XPR1: variants seen among roughly 807,000 people sequenced by gnomAD.
The protein encoded by XPR1 is solute carrier family 53 member 1.
A neutral mutation model predicts 87.5 loss-of-function variants in XPR1; 28 were observed. The ratio of observed to expected loss-of-function variants is 0.32; its 90% CI spans 0.24 to 0.44. The LOEUF is 0.44. Ranked by LOEUF, XPR1 falls within the 20% of genes least tolerant of loss-of-function variation. The pLI is 1.00. For synonymous variants in XPR1, 300 were observed against 306.1 expected (o/e 0.98, Z 0.21); for missense variants, 559 against 862.3 (o/e 0.65, Z 4.41).
intron 11 of XPR1, among the ~76,000 whole-genome samples, chr1:180,836,919 GCA>G (rs1462617247): frequency 6.6e-6 from 1 of 152,042 alleles, no homozygotes; most frequent in Non-Finnish European, 1.5e-5. Context: ...TTGAAAAGAA[GCA>G]CAGTCACCCA....
chr1:180,711,049 C>T (rs1384718908), intron 2 of XPR1, among the ~76,000 whole-genome samples: 54 of 150,546 alleles, frequency 3.6e-4, no homozygotes, highest in South Asian at 2.1e-3. Context: ...CCTCACTTCT[C>T]AGACGGGGCG....
chr1:180,649,081 A>G (rs754468142), intron 1 of XPR1, among the ~76,000 whole-genome samples: 1 of 152,124 alleles, frequency 6.6e-6, no homozygotes, highest in Non-Finnish European at 1.5e-5. Context: ...ACTAATCCCC[A>G]AGAGCATTTT....
chr1:180,725,447 A>G (rs1168442737), intron 2 of XPR1, among the ~76,000 whole-genome samples: 1 of 152,194 alleles, frequency 6.6e-6, no homozygotes, highest in Non-Finnish European at 1.5e-5. Context: ...TCACCCTGAC[A>G]TGAATAAAAA....
In XPR1 at chr1:180,817,305, A is replaced by T. The variant is rs570537918; in HGVS notation, c.763+5817A>T. 5.3e-5 allele frequency among the ~76,000 whole-genome samples: 8 copies of T among 152,180 alleles called. No individual in the cohort carries two copies. In the South Asian group the frequency reaches 8.3e-4, roughly 16 times the overall value. ...AATTTATTATTGAAGAAAGAAAAAA[A>T]TTTTTTTATAAATTCAGTGTAGCCT... On this transcript the variant is annotated intron_variant, in intron 7 of 14. Transcript: ENST00000367590.
intron 2 of XPR1, among the ~76,000 whole-genome samples, chr1:180,709,222 A>T (rs561628539): frequency 6.6e-6 from 1 of 152,240 alleles, no homozygotes; most frequent in Non-Finnish European, 1.5e-5. Context: ...GGCCATAAGC[A>T]TGTAAAGTTT....
chr1:180,725,752 T>C (rs1658316569), intron 2 of XPR1, among the ~76,000 whole-genome samples: 2 of 152,212 alleles, frequency 1.3e-5, no homozygotes, highest in Non-Finnish European at 2.9e-5. Flanking sequence ...CTGGCATCTC[T>C]TGCTTTAAGA....
chr1:180,757,288 G>A (rs1043730229), intron 2 of XPR1, among the ~76,000 whole-genome samples: 1 of 152,108 alleles, frequency 6.6e-6, no homozygotes, highest in Non-Finnish European at 1.5e-5. Context: ...TTGGAAACGG[G>A]ATTTTGTTGT....
At chr1:180,799,142 A>G (rs965524641) in intron 3 of XPR1, among the ~76,000 whole-genome samples, 31 of 152,276 alleles carry the variant, frequency 2.0e-4, no homozygotes, top group African/African-American at 7.0e-4. Flanking sequence ...TTCATCTTCC[A>G]ATTCAGTAGA....
In XPR1 at chr1:180,888,170, T is replaced by C. The variant is rs1339359527; in HGVS notation, c.*4104T>C. On this transcript the variant is annotated 3_prime_UTR_variant, in exon 15 of 15. Coordinates refer to ENST00000367590, the MANE Select transcript of XPR1 (RefSeq NM_004736.4). ...TTATTTTCCTATCATCTTTTCCCCA[T>C]TACTTTGCATTATTCAGGAAATAAT... is the stretch of plus-strand genomic sequence containing the variant. The C allele has an allele frequency of 6.6e-6, 1 of 152,148 alleles. No homozygotes were observed. Among genetic ancestry groups the C allele is most frequent in the African/African-American group, 2.4e-5 (1 of 41,436 alleles). 9.4% of individuals were successfully genotyped at this position (152,148 alleles called of 1,614,324 possible).
chr1:180,667,646 C>A (rs978675430), intron 1 of XPR1, among the ~76,000 whole-genome samples: 2 of 152,078 alleles, frequency 1.3e-5, no homozygotes, highest in South Asian at 4.1e-4. Context: ...TCCTCCTGTT[C>A]AGTTTTTTGG....
At chr1:180,776,478 T>G (rs994332780) in intron 2 of XPR1, among the ~76,000 whole-genome samples, 4 of 152,020 alleles carry the variant, frequency 2.6e-5, no homozygotes, top group African/African-American at 4.8e-5. Context: ...AATTATACAA[T>G]TTCCATTATA....
intron 1 of XPR1, among the ~76,000 whole-genome samples, chr1:180,661,512 TGTGTGTGG>T: frequency 8.8e-6 from 1 of 113,880 alleles, no homozygotes; most frequent in Non-Finnish European, 2.0e-5. Context: ...TGTGTGTGTG[TGTGTGTGG>T]TATGTTTTTT....
At chr1:180,823,561 G>C (rs1048168946) in intron 7 of XPR1, among the ~76,000 whole-genome samples, 3 of 152,196 alleles carry the variant, frequency 2.0e-5, no homozygotes, top group Non-Finnish European at 2.9e-5. Context: ...TAATATTTTA[G>C]GGGTGCTGCG....
intron 11 of XPR1, among the ~76,000 whole-genome samples, chr1:180,853,351 G>A (rs1427034419): frequency 6.6e-6 from 1 of 152,040 alleles, no homozygotes; most frequent in Non-Finnish European, 1.5e-5. Context: ...TTAACAGTGA[G>A]TTTTATTTCA....
chr1:180,744,532 A>G (rs1659016398), intron 2 of XPR1, among the ~76,000 whole-genome samples: 1 of 151,504 alleles, frequency 6.6e-6, no homozygotes, highest in South Asian at 2.1e-4. Flanking sequence ...GGTTATTTGT[A>G]TGCCAGGTAA....
At chr1:180,661,627 T>C (rs886130490) in intron 1 of XPR1, among the ~76,000 whole-genome samples, 12 of 152,024 alleles carry the variant, frequency 7.9e-5, no homozygotes, top group Non-Finnish European at 1.5e-4. Context: ...CCCAGCACTT[T>C]GGGAGGCCAA....
At chr1:180,723,440 T>C (rs1658239313) in intron 2 of XPR1, among the ~76,000 whole-genome samples, 1 of 152,154 alleles carries the variant, frequency 6.6e-6, no homozygotes, top group South Asian at 2.1e-4. Flanking sequence ...CAAATGAAAT[T>C]CTTTCAGTCA....
At chr1:180,762,465 C>G (rs1289244717) in intron 2 of XPR1, among the ~76,000 whole-genome samples, 1 of 152,050 alleles carries the variant, frequency 6.6e-6, no homozygotes, top group Admixed American at 6.6e-5. Context: ...TAAGAGTGGA[C>G]CCATCAGCAT....
At chr1:180,741,101 A>G (rs1363862306) in intron 2 of XPR1, among the ~76,000 whole-genome samples, 2 of 140,210 alleles carry the variant, frequency 1.4e-5, no homozygotes, top group Admixed American at 7.3e-5. Context: ...CTGAGATTGT[A>G]TAGAGTTGGT....
Sources: gnomAD v4.1 joint callset for allele counts (sites outside exome capture counted in the v4.1 genomes callset) on GRCh38, gnomAD v4.1.1 for gene constraint, MANE v1.5 for transcripts, NCBI Gene and HGNC (gene_info 2026-07-23, HGNC 2026-07-21) for gene names.